Variants in RASA2 observed in about 807,000 individuals in gnomAD.
RASA2 encodes ras GTPase-activating protein 2.
In RASA2, 155 loss-of-function variants were observed where a neutral mutation model predicts 118.2. That is an observed-to-expected ratio of 1.31 (90% CI 1.15 to 1.50). The LOEUF (loss-of-function observed/expected upper bound fraction) is 1.50, where lower values mean the gene tolerates loss of function less well. Among genes scored for constraint, RASA2 ranks in the 40% most tolerant of loss-of-function variants. The pLI is 0.00. For synonymous variants in RASA2, 353 were observed against 349.1 expected (o/e 1.01, Z -0.12); for missense variants, 1,016 against 1,009.6 (o/e 1.01, Z -0.09).
At chr3:141,529,443 C>T (rs900519458) in intron 3 of RASA2, among the ~76,000 whole-genome samples, 3 of 152,028 alleles carry the variant, frequency 2.0e-5, no homozygotes, top group Non-Finnish European at 4.4e-5. Context: ...TAAAAAAATG[C>T]AGTTGCCTGT....
intron 1 of RASA2, among the ~76,000 whole-genome samples, chr3:141,499,803 T>C (rs1360170863): frequency 6.6e-6 from 1 of 152,204 alleles, no homozygotes; most frequent in Non-Finnish European, 1.5e-5. Flanking sequence ...TTCGCCATGT[T>C]AGCCAGGATG....
At chr3:141,610,134 A>G (rs746561284) in intron 23 of RASA2, 68 bp downstream of exon 23, 70 of 1,305,886 alleles carry the variant, frequency 5.4e-5, no homozygotes, top group Non-Finnish European at 6.3e-5. Context: ...TCCTGCCCCA[A>G]CCTCACACCT....
chr3:141,494,570 T>C lies in RASA2; in HGVS notation c.133+7354T>C, dbSNP rs552386750. On this transcript the variant is annotated intron_variant, in intron 1 of 23. Coordinates refer to ENST00000286364, the MANE Select transcript of RASA2 (RefSeq NM_006506.5). ...TTTTGGTAGAGACGGGGTTTCACCATGTTGGCCAGGATGGTCTCGATCTCC... is the reference window on the plus strand; with the variant it reads ...TTTTGGTAGAGACGGGGTTTCACCACGTTGGCCAGGATGGTCTCGATCTCC... 2.9e-3 allele frequency among the ~76,000 whole-genome samples: 434 copies of C among 152,280 alleles called. 2 individuals carry two copies. The highest frequency in any genetic ancestry group is 5.3e-3 in the Non-Finnish European group (362 of 68,000).
rs148057441 is a variant in RASA2 at position 141,557,459 on chromosome 3, G to C, written c.685-1427G>C. Among the ~76,000 whole-genome samples, 488 of 152,296 alleles carry C rather than the reference G, an allele frequency of 3.2e-3. 2 individuals are homozygous for C. Among genetic ancestry groups the C allele is most frequent in the African/African-American group, 0.011 (461 of 41,576 alleles). On this transcript the variant is annotated intron_variant, in intron 7 of 23. Coordinates refer to ENST00000286364, the MANE Select transcript of RASA2 (RefSeq NM_006506.5). ...CAGAGACAGAAAAGCAGAAAGTTAT[G>C]TCCAAAGTACAGTGAGTACTGATTT...
intron 17 of RASA2, among the ~76,000 whole-genome samples, chr3:141,582,639 G>A (rs1049601048): frequency 6.6e-6 from 1 of 152,052 alleles, no homozygotes; most frequent in Non-Finnish European, 1.5e-5. Flanking sequence ...ATGGACTATC[G>A]CCATAGTGTG....
chr3:141,548,035 C>T (rs112365028), intron 5 of RASA2, among the ~76,000 whole-genome samples: 3,381 of 152,260 alleles, frequency 0.022, 135 homozygotes, highest in African/African-American at 0.076. Context: ...AGACAAATCC[C>T]ACTTGGTCAT....
chr3:141,574,707 A>T (rs1260502004), intron 14 of RASA2, among the ~76,000 whole-genome samples: 1 of 152,226 alleles, frequency 6.6e-6, no homozygotes, highest in Non-Finnish European at 1.5e-5. Context: ...TGCTTATGAG[A>T]GTTAAAAATA....
chr3:141,495,097 A>C (rs1444044837), intron 1 of RASA2, among the ~76,000 whole-genome samples: 1 of 152,262 alleles, frequency 6.6e-6, no homozygotes, highest in Non-Finnish European at 1.5e-5. Context: ...CTTCAGACAA[A>C]GGAAATGTGT....
intron 4 of RASA2, among the ~76,000 whole-genome samples, chr3:141,535,212 T>C (rs2082310723): frequency 6.6e-6 from 1 of 152,330 alleles, no homozygotes; most frequent in African/African-American, 2.4e-5. Context: ...TTAAGACATA[T>C]TGCACACTTA....
intron 3 of RASA2, among the ~76,000 whole-genome samples, chr3:141,524,722 C>G (rs1190850126): frequency 1.3e-5 from 2 of 152,130 alleles, no homozygotes; most frequent in African/African-American, 4.8e-5. Context: ...TCCCGAGTAG[C>G]TGGGACTACA....
chr3:141,575,829 T>A (rs2083001845), intron 14 of RASA2, among the ~76,000 whole-genome samples: 1 of 152,188 alleles, frequency 6.6e-6, no homozygotes, highest in Non-Finnish European at 1.5e-5. Flanking sequence ...AGTTTCACTC[T>A]TGTTGCCCAG....
chr3:141,492,883 A>T (rs530005398), intron 1 of RASA2, among the ~76,000 whole-genome samples: 24 of 152,216 alleles, frequency 1.6e-4, no homozygotes, highest in Admixed American at 3.3e-4. Flanking sequence ...AACCCACTGG[A>T]CTGAAATGGG....
intron 3 of RASA2, among the ~76,000 whole-genome samples, chr3:141,519,280 A>G (rs924197571): frequency 6.6e-6 from 1 of 152,286 alleles, no homozygotes; most frequent in East Asian, 1.9e-4. Context: ...GCATATTATC[A>G]TTGAAAAAAA....
At chr3:141,511,456 G>A (rs767624166) in intron 1 of RASA2, among the ~76,000 whole-genome samples, 2 of 152,174 alleles carry the variant, frequency 1.3e-5, no homozygotes, top group African/African-American at 2.4e-5. Flanking sequence ...AGCCAGTGAC[G>A]TAGGAGAAAA....
chr3:141,600,453 G>A (rs1047337809), intron 19 of RASA2: 41 of 399,796 alleles, frequency 1.0e-4, no homozygotes, highest in Middle Eastern at 3.9e-4. Context: ...TAAGGAGCAG[G>A]TTGCGCTCCT....
chr3:141,497,374 A>G (rs1032617807), intron 1 of RASA2, among the ~76,000 whole-genome samples: 1 of 151,814 alleles, frequency 6.6e-6, no homozygotes, highest in Middle Eastern at 3.2e-3. Flanking sequence ...GATTTCCTAT[A>G]GGGAGTATAT....
intron 2 of RASA2, 46 bp from the exon 3 acceptor site, chr3:141,516,282 T>A: frequency 1.6e-6 from 2 of 1,219,414 alleles, no homozygotes; most frequent in African/African-American, 1.6e-5. Context: ...TTAATTATTA[T>A]TTATTTTATA....
rs1474664639 is a variant in RASA2, at chr3:141,562,551, AGC to A, written c.863+2558_863+2559del. ...GCAGGAGAAATTGCGTGCACCTGGG[AGC>A]GGGAGCTTACAGTAAGCTGAGATCC... On this transcript the variant is annotated intron_variant, in intron 9 of 23. Coordinates refer to ENST00000286364, the MANE Select transcript of RASA2 (RefSeq NM_006506.5). Among the ~76,000 whole-genome samples, 23 of 65,572 alleles carry A rather than the reference AGC, an allele frequency of 3.5e-4. No individual in the cohort carries two copies. In the East Asian group the frequency reaches 4.9e-3, roughly 14 times the overall value. 43.0% of individuals were successfully genotyped at this position (65,572 alleles called of 152,430 possible).
chr3:141,499,484 CTG>C (rs745881815), intron 1 of RASA2, among the ~76,000 whole-genome samples: 34 of 152,308 alleles, frequency 2.2e-4, no homozygotes, highest in Admixed American at 1.4e-3. Context: ...GCCACCCAAA[CTG>C]TGTCATATTC....
Sources: gnomAD v4.1 joint callset for allele counts (sites outside exome capture counted in the v4.1 genomes callset) on GRCh38, gnomAD v4.1.1 for gene constraint, MANE v1.5 for transcripts, NCBI Gene and HGNC (gene_info 2026-07-23, HGNC 2026-07-21) for gene names.